ERC2: variants seen among roughly 807,000 people sequenced by gnomAD.
The protein encoded by ERC2 is ERC protein 2.
In ERC2, 42 loss-of-function variants were observed where a neutral mutation model predicts 114.8. The ratio of observed to expected loss-of-function variants is 0.37; its 90% CI spans 0.29 to 0.47. The LOEUF (loss-of-function observed/expected upper bound fraction) is 0.47, where lower values mean the gene tolerates loss of function less well. Ranked by LOEUF, ERC2 falls within the 20% of genes least tolerant of loss-of-function variation. The pLI, the probability that ERC2 is intolerant of heterozygous loss-of-function variation, is 0.99. For synonymous variants in ERC2, 454 were observed against 425.5 expected (o/e 1.07, Z -0.82); for missense variants, 939 against 1,150.7 (o/e 0.82, Z 2.66).
intron 7 of ERC2, among the ~76,000 whole-genome samples, chr3:56,075,766 TAGG>T (rs920151229): frequency 7.8e-4 from 119 of 152,242 alleles, no homozygotes; most frequent in Non-Finnish European, 5.9e-4. Context: ...TTCAAAAAAT[TAGG>T]AGGTTTGCCA....
chr3:56,416,065 G>T (rs1373327037), intron 2 of ERC2, among the ~76,000 whole-genome samples: 1 of 152,190 alleles, frequency 6.6e-6, no homozygotes, highest in Non-Finnish European at 1.5e-5. Context: ...GTATGATGAT[G>T]CAGCAGGGGA....
intron 17 of ERC2, among the ~76,000 whole-genome samples, chr3:55,640,376 T>C (rs943554390): frequency 7.2e-5 from 11 of 152,184 alleles, no homozygotes; most frequent in Non-Finnish European, 1.6e-4. Context: ...CGATCCTACC[T>C]TATGCACAGC....
intron 2 of ERC2, among the ~76,000 whole-genome samples, chr3:56,406,198 A>C (rs2060720636): frequency 6.6e-6 from 1 of 152,124 alleles, no homozygotes; most frequent in African/African-American, 2.4e-5. Context: ...CAGCCACGAT[A>C]TGAACATTTT....
At chr3:55,738,561 G>A (rs1365425355) in intron 14 of ERC2, among the ~76,000 whole-genome samples, 1 of 151,720 alleles carries the variant, frequency 6.6e-6, no homozygotes, top group East Asian at 1.9e-4. Flanking sequence ...GCACAGATAG[G>A]CACACACACA....
At chr3:55,539,188 A>AT (rs1335775400) in intron 17 of ERC2, among the ~76,000 whole-genome samples, 1 of 152,158 alleles carries the variant, frequency 6.6e-6, no homozygotes, top group African/African-American at 2.4e-5. Flanking sequence ...GTTAGAGTAT[A>AT]TTAACGAAGG....
At chr3:55,618,213 G>A (rs1314812474) in intron 17 of ERC2, among the ~76,000 whole-genome samples, 1 of 152,092 alleles carries the variant, frequency 6.6e-6, no homozygotes, top group African/African-American at 2.4e-5. Context: ...ACCTATTGGA[G>A]TTAAATTGGA....
chr3:56,098,107 G>GGAT (rs2078160534), intron 6 of ERC2, among the ~76,000 whole-genome samples: 1 of 152,142 alleles, frequency 6.6e-6, no homozygotes, highest in African/African-American at 2.4e-5. Context: ...AGCCAAAGGG[G>GGAT]GATGAATATG....
chr3:55,710,850 A>C (rs975968444), intron 15 of ERC2, among the ~76,000 whole-genome samples: 5 of 152,164 alleles, frequency 3.3e-5, no homozygotes, highest in Non-Finnish European at 4.4e-5. Context: ...CCACATCTTC[A>C]ATTAGTGAAT....
At chr3:55,688,245 A>G (rs943997082) in intron 16 of ERC2, among the ~76,000 whole-genome samples, 2 of 152,014 alleles carry the variant, frequency 1.3e-5, no homozygotes, top group African/African-American at 2.4e-5. Context: ...ATGTATTTGC[A>G]CCTCCTCCAG....
At chr3:56,439,125 A>C (rs567554843) in intron 1 of ERC2, among the ~76,000 whole-genome samples, 2 of 152,266 alleles carry the variant, frequency 1.3e-5, no homozygotes, top group African/African-American at 4.8e-5. Context: ...CTATTCCTGA[A>C]ATATTTTGTA....
intron 10 of ERC2, among the ~76,000 whole-genome samples, chr3:55,994,661 A>AAG (rs2071362187): frequency 6.7e-6 from 1 of 149,718 alleles, no homozygotes; most frequent in South Asian, 2.1e-4. Context: ...AAAAAAAAAA[A>AAG]AAAAAAAAAA....
chr3:56,312,704 T>G (rs940976410), intron 2 of ERC2, among the ~76,000 whole-genome samples: 6 of 151,482 alleles, frequency 4.0e-5, no homozygotes, highest in African/African-American at 9.7e-5. Context: ...TAAGCAGCAT[T>G]TCTGTAGCAT....
chr3:55,598,037 C>T (rs998592015), intron 17 of ERC2, among the ~76,000 whole-genome samples: 1 of 152,206 alleles, frequency 6.6e-6, no homozygotes, highest in East Asian at 1.9e-4. Flanking sequence ...TTTCTGACTG[C>T]GAGCATTACT....
At chr3:55,994,647 TAAAAAAAAAAAA>T (rs10662566) in intron 10 of ERC2, among the ~76,000 whole-genome samples, 4 of 61,418 alleles carry the variant, frequency 6.5e-5, no homozygotes, top group Non-Finnish European at 8.1e-5. Context: ...ACATACTCCC[TAAAAAAAAAAAA>T]AAAAAAAAAA....
At chr3:56,297,663 G>A (rs73086440) in intron 2 of ERC2, among the ~76,000 whole-genome samples, 9,260 of 152,304 alleles carry the variant, frequency 0.061, 682 homozygotes, top group African/African-American at 0.17. Context: ...CCAAACACAT[G>A]ATCCTGCTTG....
intron 3 of ERC2, among the ~76,000 whole-genome samples, chr3:56,203,489 T>C (rs2048523121): frequency 6.6e-6 from 1 of 152,202 alleles, no homozygotes; most frequent in South Asian, 2.1e-4. Context: ...TCTATAATTT[T>C]ACAGCAATTT....
intron 3 of ERC2, among the ~76,000 whole-genome samples, chr3:56,205,111 T>C (rs907681185): frequency 2.0e-5 from 3 of 152,144 alleles, no homozygotes; most frequent in African/African-American, 7.2e-5. Flanking sequence ...TCAACTTCTT[T>C]GGACAAAAAG....
chr3:55,826,031 G>C (rs1219014932), intron 14 of ERC2, among the ~76,000 whole-genome samples: 1 of 151,240 alleles, frequency 6.6e-6, no homozygotes, highest in Non-Finnish European at 1.5e-5. Flanking sequence ...AGGAGGAAGA[G>C]AGGAAGGAAG....
At chr3:55,534,506 C>A (rs1164292416) in intron 17 of ERC2, among the ~76,000 whole-genome samples, 1 of 151,686 alleles carries the variant, frequency 6.6e-6, no homozygotes, top group Non-Finnish European at 1.5e-5. Flanking sequence ...ACAGCCTGGG[C>A]AACATGACGA....
Sources: allele counts gnomAD v4.1 joint callset (sites outside exome capture counted in the v4.1 genomes callset), GRCh38; gene constraint gnomAD v4.1.1; transcripts MANE v1.5; gene names NCBI Gene and HGNC (gene_info 2026-07-23, HGNC 2026-07-21).